Variants in ZZZ3 observed in about 807,000 individuals in gnomAD.
The protein encoded by ZZZ3 is ZZ-type zinc finger-containing protein 3.
A neutral mutation model predicts 95.2 loss-of-function variants in ZZZ3; 22 were observed. The observed-to-expected ratio is 0.23, with a 90% CI of 0.17 to 0.33. The LOEUF (loss-of-function observed/expected upper bound fraction) is 0.33, where lower values mean the gene tolerates loss of function less well. ZZZ3 is among the 10% of genes least tolerant of loss of function. The pLI, the probability that ZZZ3 is intolerant of heterozygous loss-of-function variation, is 1.00. For missense variants in ZZZ3, 885 were observed against 1,066.5 expected (o/e 0.83, Z 2.37); for synonymous variants, 335 against 358.9 (o/e 0.93, Z 0.75).
At chr1:77,618,177 A>C (rs1409335866) in intron 5 of ZZZ3, among the ~76,000 whole-genome samples, 2 of 148,568 alleles carry the variant, frequency 1.3e-5, no homozygotes, top group Non-Finnish European at 3.0e-5. Flanking sequence ...CAACCTGCCC[A>C]CATACCTTTT....
chr1:77,612,527 G>A (rs1409982958), intron 5 of ZZZ3, among the ~76,000 whole-genome samples: 1 of 151,998 alleles, frequency 6.6e-6, no homozygotes, highest in Non-Finnish European at 1.5e-5. Context: ...CTAAGATATG[G>A]AAACAACCTA....
chr1:77,568,322 T>C lies in ZZZ3; in HGVS notation c.2466+10A>G, dbSNP rs144538952. 494 of 1,566,528 alleles carry C rather than the reference T, an allele frequency of 3.2e-4. No individual in the cohort carries two copies. In the African/African-American group the frequency reaches 6.0e-3, roughly 19 times the overall value. On this transcript the variant is annotated intron_variant, in intron 13 of 14. Transcript: ENST00000370801. ...AAATGAAATGAATCCTAAAATTAAA[T>C]AGAACTTACCTTAAAGCCCACATGT...
At position 77,583,723 on chromosome 1, in the gene ZZZ3, G is replaced by A. The variant is rs111709361; in HGVS notation, c.1644+794C>T. On this transcript the variant is annotated intron_variant, in intron 6 of 14. Transcript: ENST00000370801. ...AAGTTGTCATACAAGATAAGGTTTCGTTTCTTTTTTAAGAAGAGGATTCTT... is the reference window on the plus strand; with the variant it reads ...AAGTTGTCATACAAGATAAGGTTTCATTTCTTTTTTAAGAAGAGGATTCTT... Among the ~76,000 whole-genome samples the A allele has an allele frequency of 9.7e-3, 1,475 of 151,990 alleles. 36 individuals carry two copies. The highest frequency in any genetic ancestry group is 0.034 in the African/African-American group (1,410 of 41,440).
chr1:77,674,525 C>T (rs561733833), intron 1 of ZZZ3, among the ~76,000 whole-genome samples: 3 of 152,142 alleles, frequency 2.0e-5, no homozygotes, highest in South Asian at 2.1e-4. Flanking sequence ...TTCTTAGTGA[C>T]GATTACACCA....
intron 5 of ZZZ3, among the ~76,000 whole-genome samples, chr1:77,590,596 C>T (rs1394212922): frequency 6.6e-6 from 1 of 152,192 alleles, no homozygotes; most frequent in African/African-American, 2.4e-5. Context: ...GATTAAAGGA[C>T]ACAAGGACAT....
At chr1:77,588,568 G>A (rs922882247) in intron 5 of ZZZ3, among the ~76,000 whole-genome samples, 13 of 152,054 alleles carry the variant, frequency 8.5e-5, no homozygotes, top group Non-Finnish European at 1.9e-4. Context: ...ATAAAAGATG[G>A]TAGGATAGCA....
chr1:77,596,763 TAATTA>T (rs1312226819), intron 5 of ZZZ3, among the ~76,000 whole-genome samples: 1 of 152,088 alleles, frequency 6.6e-6, no homozygotes, highest in Non-Finnish European at 1.5e-5. Context: ...TGAAATTAAA[TAATTA>T]AATAGTTGAC....
chr1:77,649,854 C>T (rs1460074240), intron 1 of ZZZ3, among the ~76,000 whole-genome samples: 5 of 149,640 alleles, frequency 3.3e-5, no homozygotes, highest in South Asian at 2.1e-4. Flanking sequence ...GCCTGGGCAA[C>T]GAGAACAAAA....
intron 1 of ZZZ3, among the ~76,000 whole-genome samples, chr1:77,642,149 T>C (rs907933689): frequency 6.6e-6 from 1 of 152,164 alleles, no homozygotes; most frequent in African/African-American, 2.4e-5. Context: ...AAAATAAATG[T>C]TATTTAAAAT....
At chr1:77,586,873 G>A (rs1017521245) in intron 5 of ZZZ3, among the ~76,000 whole-genome samples, 1 of 152,164 alleles carries the variant, frequency 6.6e-6, no homozygotes, top group African/African-American at 2.4e-5. Context: ...AAACTGGGGT[G>A]ACATCTAAAA....
intron 1 of ZZZ3, among the ~76,000 whole-genome samples, chr1:77,646,603 G>A (rs1263371818): frequency 6.6e-6 from 1 of 152,100 alleles, no homozygotes; most frequent in Non-Finnish European, 1.5e-5. Context: ...ATTCTTCCAA[G>A]AGACTTATGC....
At chr1:77,680,122 A>C in intron 1 of ZZZ3, among the ~76,000 whole-genome samples, 1 of 152,384 alleles carries the variant, frequency 6.6e-6, no homozygotes, top group Admixed American at 6.5e-5. Flanking sequence ...AACGTACTTA[A>C]CAAATGTTAT....
intron 9 of ZZZ3, 56 bp from the exon 10 acceptor site, chr1:77,579,684 G>C: frequency 1.0e-6 from 1 of 992,294 alleles, no homozygotes; most frequent in Middle Eastern, 2.3e-4. Context: ...TTAAATATTG[G>C]ATTTCTAAAT....
rs774085753 is a variant in ZZZ3, at chr1:77,581,918, T to C, written c.1793-27A>G. The C allele has an allele frequency of 1.0e-5, 16 of 1,606,286 alleles. No individual in the cohort carries two copies. The East Asian group carries it at 3.6e-4, about 36-fold the overall frequency. The stretch of plus-strand genomic sequence containing the variant: ...TGAAAAATAAGACCACATACAGAAC[T>C]GTTAAAGCAAAACATTGCCAGATAT... On this transcript the variant is annotated intron_variant, in intron 7 of 14. Coordinates refer to ENST00000370801, the MANE Select transcript of ZZZ3 (RefSeq NM_015534.6).
intron 5 of ZZZ3, among the ~76,000 whole-genome samples, chr1:77,608,154 AAGGTTCTAG>A (rs1342540771): frequency 2.0e-5 from 3 of 152,180 alleles, no homozygotes; most frequent in African/African-American, 7.2e-5. Flanking sequence ...CAAGTACAAG[AAGGTTCTAG>A]AAAACCAAGG....
At chr1:77,615,453 T>C (rs954829328) in intron 5 of ZZZ3, among the ~76,000 whole-genome samples, 3 of 152,136 alleles carry the variant, frequency 2.0e-5, no homozygotes, top group African/African-American at 7.2e-5. Flanking sequence ...AAAAAGATGG[T>C]TAAATTAACA....
chr1:77,643,058 G>C (rs964995390), intron 1 of ZZZ3, among the ~76,000 whole-genome samples: 1 of 151,848 alleles, frequency 6.6e-6, no homozygotes, highest in Non-Finnish European at 1.5e-5. Context: ...CAAAAAAATA[G>C]AAAAAGGTAG....
rs543042274 is a variant in ZZZ3, at chr1:77,666,025, A to G, written c.-403+16560T>C. Among the ~76,000 whole-genome samples, 14 of 152,340 alleles carry G rather than the reference A, an allele frequency of 9.2e-5. No individual in the cohort carries two copies. The South Asian group carries it at 2.9e-3, about 32-fold the overall frequency. ...CAGTACACTCCAGCCTGGGAGAGAC[A>G]GCGAGACTCCATCTCAAAAATAAAT... On this transcript the variant is annotated intron_variant, in intron 1 of 14. Transcript: ENST00000370801.
Position 77,641,410 on chromosome 1 carries a change from G to C in ZZZ3, c.-232C>G, listed in dbSNP as rs925278344. 2 of 394,214 alleles carry C rather than the reference G, an allele frequency of 5.1e-6. No individual in the cohort carries two copies. The highest frequency in any genetic ancestry group is 4.1e-5 in the African/African-American group (2 of 48,506). The allele number at this position is 394,214 out of a possible 1,614,324, so 24.4% of individuals were successfully genotyped here. On this transcript the variant is annotated 5_prime_UTR_variant, in exon 3 of 15. Coordinates refer to ENST00000370801, the MANE Select transcript of ZZZ3 (RefSeq NM_015534.6). ...GCTGAGCTCTATCAGCATTAAGATA[G>C]ACAGGATCCTGCAGTGTTTCTTAAA... is the stretch of plus-strand genomic sequence containing the variant.
Sources: gnomAD v4.1 joint callset for allele counts (sites outside exome capture counted in the v4.1 genomes callset) on GRCh38, gnomAD v4.1.1 for gene constraint, MANE v1.5 for transcripts, NCBI Gene and HGNC (gene_info 2026-07-23, HGNC 2026-07-21) for gene names.